LRRC72: variants seen among roughly 807,000 people sequenced by gnomAD.
LRRC72 encodes the protein leucine-rich repeat-containing protein 72.
LRRC72 carries 41 observed loss-of-function variants against 35.8 expected under a neutral mutation model. That is an observed-to-expected ratio of 1.15 (90% CI 0.89 to 1.49). The LOEUF (loss-of-function observed/expected upper bound fraction) is 1.49. Ranked by LOEUF, LRRC72 falls within the 40% of genes most tolerant of loss-of-function variation. LRRC72 has a pLI of 0.00. For missense variants in LRRC72, 389 were observed against 330.7 expected (o/e 1.18, Z -1.37); for synonymous variants, 118 against 119.2 (o/e 0.99, Z 0.07).
intron 5 of LRRC72, among the ~76,000 whole-genome samples, chr7:16,562,334 C>T (rs1229745328): frequency 6.6e-6 from 1 of 152,178 alleles, no homozygotes; most frequent in Non-Finnish European, 1.5e-5. Flanking sequence ...TTATTAACTC[C>T]TGCCCCCTTT....
chr7:16,539,970 G>T (rs1782327430), intron 3 of LRRC72, among the ~76,000 whole-genome samples: 1 of 152,216 alleles, frequency 6.6e-6, no homozygotes. Flanking sequence ...ATGTGAGGTT[G>T]GAGCCCCCAC....
At chr7:16,531,277 C>T (rs570512904) in intron 1 of LRRC72, among the ~76,000 whole-genome samples, 5 of 152,000 alleles carry the variant, frequency 3.3e-5, no homozygotes, top group Admixed American at 2.0e-4. Context: ...AGCCCCAGGT[C>T]GGCTTGTGTA....
At chr7:16,558,698 T>C (rs1440451677) in intron 4 of LRRC72, among the ~76,000 whole-genome samples, 191 bp from the exon 5 acceptor site, 3 of 152,034 alleles carry the variant, frequency 2.0e-5, no homozygotes, top group Admixed American at 2.0e-4. Flanking sequence ...ATATGAATTA[T>C]GCCTTATTGT....
chr7:16,529,234 C>A (rs1782122467), intron 1 of LRRC72, among the ~76,000 whole-genome samples: 1 of 152,176 alleles, frequency 6.6e-6, no homozygotes, highest in African/African-American at 2.4e-5. Context: ...TGTACAGCCC[C>A]ACATACCTTA....
intron 7 of LRRC72, among the ~76,000 whole-genome samples, chr7:16,577,763 T>G (rs1783067464): frequency 6.6e-6 from 1 of 152,090 alleles, no homozygotes; most frequent in South Asian, 2.1e-4. Flanking sequence ...ACAAGACATA[T>G]ATACAAAGAA....
At chr7:16,544,706 C>T (rs1300935636) in intron 3 of LRRC72, among the ~76,000 whole-genome samples, 1 of 152,154 alleles carries the variant, frequency 6.6e-6, no homozygotes, top group African/African-American at 2.4e-5. Context: ...TATGGATGTC[C>T]AATAATGACT....
chr7:16,575,480 T>C (rs555703097), intron 7 of LRRC72, among the ~76,000 whole-genome samples: 9 of 152,230 alleles, frequency 5.9e-5, no homozygotes, highest in Non-Finnish European at 1.2e-4. Flanking sequence ...GTAGTACCAG[T>C]GTGGGATTAG....
intron 3 of LRRC72, among the ~76,000 whole-genome samples, chr7:16,545,868 C>T (rs147800219): frequency 3.3e-5 from 5 of 151,590 alleles, no homozygotes; most frequent in African/African-American, 1.2e-4. Flanking sequence ...ACCTATTTTT[C>T]GAAACAGCAG....
intron 3 of LRRC72, among the ~76,000 whole-genome samples, chr7:16,551,681 G>C (rs551280919): frequency 6.6e-6 from 1 of 152,112 alleles, no homozygotes; most frequent in Non-Finnish European, 1.5e-5. Flanking sequence ...GTGGTACCCG[G>C]GGGGAGGGCA....
At chr7:16,553,036 T>C (rs1782582827) in intron 3 of LRRC72, among the ~76,000 whole-genome samples, 1 of 152,244 alleles carries the variant, frequency 6.6e-6, no homozygotes, top group Non-Finnish European at 1.5e-5. Flanking sequence ...ACATTCTGTT[T>C]ATTTTTACAA....
At chr7:16,577,297 GC>G (rs900504547) in intron 7 of LRRC72, among the ~76,000 whole-genome samples, 1 of 152,112 alleles carries the variant, frequency 6.6e-6, no homozygotes, top group Non-Finnish European at 1.5e-5. Flanking sequence ...ATTTACTGAG[GC>G]CCCCCAAGAA....
intron 3 of LRRC72, among the ~76,000 whole-genome samples, chr7:16,550,740 AT>A (rs1562743602): frequency 6.6e-6 from 1 of 152,178 alleles, no homozygotes; most frequent in Non-Finnish European, 1.5e-5. Context: ...TGAGCATTTA[AT>A]TCTTTCTCTT....
At chr7:16,572,084 T>C (rs1782956203) in intron 7 of LRRC72, among the ~76,000 whole-genome samples, 1 of 151,976 alleles carries the variant, frequency 6.6e-6, no homozygotes, top group South Asian at 2.1e-4. Context: ...CGCCAGGAAG[T>C]TCAGACTTCA....
chr7:16,571,175 G>T (rs1458915297), intron 7 of LRRC72, among the ~76,000 whole-genome samples: 4 of 152,076 alleles, frequency 2.6e-5, no homozygotes, highest in African/African-American at 9.7e-5. Flanking sequence ...CTTTCAGAGT[G>T]TAAAACAAAA....
chr7:16,527,698 T>TG (rs978793792), intron 1 of LRRC72, among the ~76,000 whole-genome samples: 2 of 152,058 alleles, frequency 1.3e-5, no homozygotes, highest in Non-Finnish European at 2.9e-5. Context: ...TCTGCAAAGA[T>TG]GGGGGGCTGC....
At chr7:16,581,004 G>T (rs476045) in intron 8 of LRRC72, among the ~76,000 whole-genome samples, 64,238 of 151,942 alleles carry the variant, frequency 0.42, 14,954 homozygotes, top group African/African-American at 0.62. Flanking sequence ...AATATGCATA[G>T]ATCTATAAAT....
chr7:16,578,583 A>G lies in LRRC72; in HGVS notation c.671-1491A>G, dbSNP rs184894986. On this transcript the variant is annotated intron_variant, in intron 7 of 8. Coordinates refer to ENST00000401542, the MANE Select transcript of LRRC72 (RefSeq NM_001195280.2). ...AACAAAATTAGAATTTTGTCAACAAACAAATCTCTATGTATATATACATGT... is the reference window on the plus strand; with the variant it reads ...AACAAAATTAGAATTTTGTCAACAAGCAAATCTCTATGTATATATACATGT... Among the ~76,000 whole-genome samples, 13 of 152,334 alleles carry G rather than the reference A, an allele frequency of 8.5e-5. No individual in the cohort carries two copies. The East Asian group carries it at 2.1e-3, about 25-fold the overall frequency.
chr7:16,579,683 G>A (rs1028122800), intron 7 of LRRC72, among the ~76,000 whole-genome samples: 4 of 152,278 alleles, frequency 2.6e-5, no homozygotes, highest in East Asian at 1.9e-4. Context: ...CATTTGGACT[G>A]TTAGTCCATT....
At chr7:16,578,558 A>T (rs928642388) in intron 7 of LRRC72, among the ~76,000 whole-genome samples, 2 of 152,212 alleles carry the variant, frequency 1.3e-5, no homozygotes, top group Admixed American at 1.3e-4. Context: ...TATGAGTAAT[A>T]ACAAAATTAG....
Sources: gnomAD v4.1 joint callset for allele counts (sites outside exome capture counted in the v4.1 genomes callset) on GRCh38, gnomAD v4.1.1 for gene constraint, MANE v1.5 for transcripts, NCBI Gene and HGNC (gene_info 2026-07-23, HGNC 2026-07-21) for gene names.